CHRM3: variants seen among roughly 807,000 people sequenced by gnomAD.
The protein encoded by CHRM3 is cholinergic receptor muscarinic 3.
A neutral mutation model predicts 41.8 loss-of-function variants in CHRM3; 11 were observed. The ratio of observed to expected loss-of-function variants is 0.26; its 90% CI spans 0.17 to 0.44. The LOEUF is 0.44. Ranked by LOEUF, CHRM3 falls within the 20% of genes least tolerant of loss-of-function variation. The probability of loss-of-function intolerance (pLI) is 1.00; values close to 1 mark genes in which losing one functional copy is unlikely to be tolerated. For missense variants in CHRM3, 571 were observed against 745.4 expected (o/e 0.77, Z 2.72); for synonymous variants, 297 against 301.4 (o/e 0.99, Z 0.15).
At chr1:239,744,574 A>C (rs1018869191) in intron 5 of CHRM3, among the ~76,000 whole-genome samples, 15 of 152,174 alleles carry the variant, frequency 9.9e-5, no homozygotes, top group Admixed American at 3.3e-4. Flanking sequence ...CCCAAAAAGC[A>C]CTCAGGTCAG....
intron 5 of CHRM3, among the ~76,000 whole-genome samples, chr1:239,713,804 G>A (rs1662059558): frequency 1.3e-5 from 2 of 152,168 alleles, no homozygotes; most frequent in South Asian, 2.1e-4. Context: ...ACATGCCTTA[G>A]TCTGGATGAT....
chr1:239,584,911 G>T (rs1663258400), intron 3 of CHRM3, among the ~76,000 whole-genome samples: 1 of 152,114 alleles, frequency 6.6e-6, no homozygotes, highest in Non-Finnish European at 1.5e-5. Flanking sequence ...TCAAATTCAT[G>T]TTCACTGAGA....
chr1:239,632,057 C>G (rs1253064081), intron 3 of CHRM3, 167 bp from the exon 4 acceptor site: 1 of 152,188 alleles, frequency 6.6e-6, no homozygotes. Flanking sequence ...TCTTCAGGTA[C>G]ATGAGGTTAG....
At chr1:239,700,812 G>A (rs949292231) in intron 5 of CHRM3, among the ~76,000 whole-genome samples, 12 of 152,184 alleles carry the variant, frequency 7.9e-5, no homozygotes, top group South Asian at 2.1e-4. Flanking sequence ...GTTACCTAGC[G>A]GCTTTGGGAA....
intron 3 of CHRM3, among the ~76,000 whole-genome samples, chr1:239,581,188 A>C (rs1249463092): frequency 6.6e-6 from 1 of 152,086 alleles, no homozygotes; most frequent in African/African-American, 2.4e-5. Flanking sequence ...AATAGTAATA[A>C]TATAAAGGAG....
chr1:239,476,223 T>C (rs868328196), intron 1 of CHRM3, among the ~76,000 whole-genome samples: 2 of 152,164 alleles, frequency 1.3e-5, no homozygotes, highest in African/African-American at 2.4e-5. Flanking sequence ...CCCAGCACTT[T>C]GGGAGGCCGA....
At chr1:239,477,299 G>C (rs2147977685) in intron 1 of CHRM3, among the ~76,000 whole-genome samples, 1 of 152,294 alleles carries the variant, frequency 6.6e-6, no homozygotes, top group South Asian at 2.1e-4. Context: ...TACAAAGTTA[G>C]TATAAAGAGA....
At chr1:239,866,053 G>A (rs1676063422) in intron 6 of CHRM3, among the ~76,000 whole-genome samples, 1 of 152,070 alleles carries the variant, frequency 6.6e-6, no homozygotes, top group African/African-American at 2.4e-5. Flanking sequence ...CTATTTTACG[G>A]ATGGGAAAAC....
At chr1:239,515,127 G>T (rs1669171540) in intron 2 of CHRM3, among the ~76,000 whole-genome samples, 1 of 151,854 alleles carries the variant, frequency 6.6e-6, no homozygotes, top group Admixed American at 6.6e-5. Flanking sequence ...TTTTCTCACA[G>T]ATCATATTTT....
chr1:239,631,729 T>C (rs1170246327), intron 3 of CHRM3, among the ~76,000 whole-genome samples: 1 of 152,218 alleles, frequency 6.6e-6, no homozygotes, highest in Non-Finnish European at 1.5e-5. Flanking sequence ...TTGCATTTTC[T>C]TCCTGTATGA....
At chr1:239,757,139 A>G (rs1666310347) in intron 5 of CHRM3, among the ~76,000 whole-genome samples, 1 of 152,216 alleles carries the variant, frequency 6.6e-6, no homozygotes, top group Non-Finnish European at 1.5e-5. Context: ...AGACAAATGT[A>G]TGAAAGGTTT....
At chr1:239,765,795 T>C (rs551830177) in intron 5 of CHRM3, among the ~76,000 whole-genome samples, 336 of 151,946 alleles carry the variant, frequency 2.2e-3, no homozygotes, top group African/African-American at 7.7e-3. Flanking sequence ...TTTAATAAAA[T>C]GAATGAGTAT....
At position 239,874,323 on chromosome 1, in the gene CHRM3, A is replaced by ATATATATATC. The variant is rs1376600730; in HGVS notation, c.-19-33106_-19-33105insTATATCTATA. 2.4e-3 allele frequency among the ~76,000 whole-genome samples: 263 copies of ATATATATATC among 111,332 alleles called. 1 individual carries two copies. The highest frequency in any genetic ancestry group is 4.3e-3 in the Non-Finnish European group (227 of 52,296). The allele number at this position is 111,332 out of a possible 152,430, so 73.0% of individuals were successfully genotyped here. On this transcript the variant is annotated intron_variant, in intron 6 of 6. Transcript: ENST00000676153. ...TATATATATATATATATATATATAT[A>ATATATATATC]TATACACAGTTGACCCTCGAACAAC...
At chr1:239,831,170 A>C (rs1017012357) in intron 6 of CHRM3, among the ~76,000 whole-genome samples, 21 of 152,194 alleles carry the variant, frequency 1.4e-4, no homozygotes, top group African/African-American at 5.1e-4. Flanking sequence ...ACCCGAATGC[A>C]CCCTCACCAG....
rs1049196255 is a variant in CHRM3 at position 239,908,012 on chromosome 1, G to A, written c.561G>A (p.Val187=). 1.2e-6 allele frequency: 2 copies of A among 1,614,054 alleles called. No homozygotes were observed. The highest frequency in any genetic ancestry group is 1.6e-4 in the Middle Eastern group (1 of 6,084). Residue 187 remains valine (V), a synonymous_variant, in exon 7 of 7, where the codon GTG becomes GTA. Coordinates refer to ENST00000676153, the MANE Select transcript of CHRM3 (RefSeq NM_001375978.1). This position sits in a 1 kb window ranked among gnomAD's most constrained non-coding sequence, Gnocchi z 7.2. ...AACGAACAACAAAGAGAGCCGGTGT[G>A]ATGATCGGTCTGGCTTGGGTCATCT... is the stretch of plus-strand genomic sequence containing the variant. The part of the protein sequence containing the change: ...RAKRTTKRAG[V]MIGLAWVISF...
intron 3 of CHRM3, among the ~76,000 whole-genome samples, chr1:239,576,755 G>A (rs939253851): frequency 4.0e-5 from 6 of 150,992 alleles, no homozygotes; most frequent in South Asian, 2.1e-4. Context: ...GTGCCACTGC[G>A]CTGCAGGCTG....
intron 6 of CHRM3, among the ~76,000 whole-genome samples, chr1:239,860,134 G>GATTA (rs1192133795): frequency 1.3e-5 from 2 of 152,004 alleles, no homozygotes; most frequent in African/African-American, 4.8e-5. Flanking sequence ...AATTTCTCAG[G>GATTA]GAGTTGGAGC....
At chr1:239,409,013 T>C (rs1572196804) in intron 1 of CHRM3, among the ~76,000 whole-genome samples, 1 of 152,144 alleles carries the variant, frequency 6.6e-6, no homozygotes, top group South Asian at 2.1e-4. Flanking sequence ...TCAGTTATTC[T>C]GAAGCACTTT....
At chr1:239,800,882 G>C (rs952600604) in intron 5 of CHRM3, among the ~76,000 whole-genome samples, 2 of 138,544 alleles carry the variant, frequency 1.4e-5, no homozygotes, top group Admixed American at 7.7e-5. Flanking sequence ...AAAAAAGTAA[G>C]AAATGTAAGA....
Sources: gnomAD v4.1 joint callset for allele counts (sites outside exome capture counted in the v4.1 genomes callset) on GRCh38, gnomAD v4.1.1 for gene constraint, Gnocchi (gnomAD v3.1) non-coding constraint, MANE v1.5 for transcripts, NCBI Gene and HGNC (gene_info 2026-07-23, HGNC 2026-07-21) for gene names.